GSE1: variants seen among roughly 807,000 people sequenced by gnomAD.
The protein encoded by GSE1 is Gse1 coiled-coil protein, also known as genetic suppressor element 1.
In GSE1, 32 loss-of-function variants were observed where a neutral mutation model predicts 112.6. The ratio of observed to expected loss-of-function variants is 0.28; its 90% CI spans 0.21 to 0.38. The LOEUF (loss-of-function observed/expected upper bound fraction) is 0.38, where lower values mean the gene tolerates loss of function less well. Ranked by LOEUF, GSE1 falls within the 10% of genes least tolerant of loss-of-function variation. The probability of loss-of-function intolerance (pLI) is 1.00; values close to 1 mark genes in which losing one functional copy is unlikely to be tolerated. For synonymous variants in GSE1, 1,115 were observed against 735.6 expected (o/e 1.52, Z -8.35); for missense variants, 2,348 against 1,699.2 (o/e 1.38, Z -6.71).
At chr16:85,304,199 G>A (rs765954919) in intron 1 of GSE1, among the ~76,000 whole-genome samples, 21 of 152,360 alleles carry the variant, frequency 1.4e-4, no homozygotes, top group Non-Finnish European at 2.8e-4. Context: ...ATAGCCAGCC[G>A]TCCTGCTTTA....
intron 2 of GSE1, among the ~76,000 whole-genome samples, chr16:85,518,542 G>C (rs958697254): frequency 3.9e-5 from 6 of 152,082 alleles, no homozygotes; most frequent in Non-Finnish European, 7.4e-5. Context: ...GTCACATTCA[G>C]CTTCCGGCCC....
intron 2 of GSE1, among the ~76,000 whole-genome samples, chr16:85,386,523 G>A (rs1199994961): frequency 1.3e-5 from 2 of 152,252 alleles, no homozygotes; most frequent in African/African-American, 4.8e-5. Context: ...AGCGGTGTCT[G>A]TGGTTATTGT....
At chr16:85,487,023 C>T (rs1439550679) in intron 2 of GSE1, among the ~76,000 whole-genome samples, 1 of 152,112 alleles carries the variant, frequency 6.6e-6, no homozygotes, top group African/African-American at 2.4e-5. Flanking sequence ...CTATGTACCC[C>T]AGGGGGTTCT....
Position 85,674,124 on chromosome 16 carries a change from A to C in GSE1, c.*1585A>C, listed in dbSNP as rs1397831136. 1 of 152,286 alleles carries C rather than the reference A, an allele frequency of 6.6e-6. No individual in the cohort carries two copies. The highest frequency in any genetic ancestry group is 1.5e-5 in the Non-Finnish European group (1 of 68,106). 9.4% of individuals were successfully genotyped at this position (152,286 alleles called of 1,614,324 possible). The stretch of plus-strand genomic sequence containing the variant: ...TCACCAGAGGCCAGGGCTGCCAGTC[A>C]CTGGTCTGGGGGGTGGAGGCCTGAG... On this transcript the variant is annotated 3_prime_UTR_variant, in exon 16 of 16. Coordinates refer to ENST00000253458, the MANE Select transcript of GSE1 (RefSeq NM_014615.5).
intron 1 of GSE1, among the ~76,000 whole-genome samples, chr16:85,287,484 G>C (rs1016731506): frequency 1.3e-5 from 2 of 152,152 alleles, no homozygotes; most frequent in East Asian, 3.9e-4. Flanking sequence ...CACCCGCTCT[G>C]TTCTGCCCCT....
At chr16:85,359,384 G>A (rs527963632) in intron 2 of GSE1, 2 of 456,068 alleles carry the variant, frequency 4.4e-6, no homozygotes, top group Admixed American at 2.3e-5. Flanking sequence ...GTCCTCCGGA[G>A]CAGAACAAGG....
upstream of GSE1, among the ~76,000 whole-genome samples, chr16:85,554,263 C>T (rs1045010383): frequency 6.6e-6 from 1 of 152,004 alleles, no homozygotes; most frequent in African/African-American, 2.4e-5. Context: ...TTTTCCCCTT[C>T]GATTTGGGGA....
chr16:85,541,765 A>C (rs1486078533), intron 2 of GSE1, among the ~76,000 whole-genome samples: 2 of 152,238 alleles, frequency 1.3e-5, no homozygotes, highest in African/African-American at 4.8e-5. Flanking sequence ...TGCATGGCAC[A>C]GAACATTCCA....
chr16:85,338,477 A>G (rs560871326), intron 1 of GSE1, among the ~76,000 whole-genome samples: 1 of 152,238 alleles, frequency 6.6e-6, no homozygotes, highest in Non-Finnish European at 1.5e-5. Context: ...CCTCCATCAA[A>G]TGGGCGTATA....
intron 1 of GSE1, among the ~76,000 whole-genome samples, chr16:85,258,800 C>T (rs1282098430): frequency 1.3e-5 from 2 of 152,204 alleles, no homozygotes; most frequent in African/African-American, 2.4e-5. Flanking sequence ...GGAGCTGTGG[C>T]GGTTTAGCCT....
At chr16:85,431,906 T>C (rs2049131416) in intron 2 of GSE1, among the ~76,000 whole-genome samples, 1 of 152,244 alleles carries the variant, frequency 6.6e-6, no homozygotes, top group Non-Finnish European at 1.5e-5. Context: ...CCTGGAAGAA[T>C]ACTCAGCAGA....
intron 1 of GSE1, among the ~76,000 whole-genome samples, chr16:85,224,003 A>G (rs1042466761): frequency 6.6e-6 from 1 of 151,790 alleles, no homozygotes; most frequent in Non-Finnish European, 1.5e-5. Flanking sequence ...AACTTTTATC[A>G]TCACCCCAAA....
chr16:85,599,595 A>C (rs971711318), intron 1 of GSE1, among the ~76,000 whole-genome samples: 1 of 152,234 alleles, frequency 6.6e-6, no homozygotes, highest in Non-Finnish European at 1.5e-5. Context: ...ACCTGTGATC[A>C]CAAGCCTCTT....
chr16:85,273,147 T>C (rs77263136), intron 1 of GSE1, among the ~76,000 whole-genome samples: 3,502 of 152,246 alleles, frequency 0.023, 63 homozygotes, highest in Non-Finnish European at 0.034. Flanking sequence ...AATGGGAGCC[T>C]ACAGGTGGGG....
intron 1 of GSE1, among the ~76,000 whole-genome samples, chr16:85,316,388 G>T (rs2045986075): frequency 6.6e-6 from 1 of 152,194 alleles, no homozygotes; most frequent in African/African-American, 2.4e-5. Context: ...TCTGCACAGG[G>T]CACGTTTCGA....
chr16:85,252,093 C>T (rs1906547843), intron 1 of GSE1, among the ~76,000 whole-genome samples: 1 of 152,224 alleles, frequency 6.6e-6, no homozygotes, highest in Non-Finnish European at 1.5e-5. Context: ...AGACCCAGGG[C>T]TGACTCCCGC....
Position 85,437,186 on chromosome 16 carries a change from C to A in GSE1, c.2464+79543C>A, listed in dbSNP as rs1178859550. 3.3e-5 allele frequency among the ~76,000 whole-genome samples: 5 copies of A among 152,154 alleles called. No individual in the cohort carries two copies. The East Asian group carries it at 7.8e-4, about 24-fold the overall frequency. ...CCAACCCTCTGAGGCCATCTGATCT[C>A]CCTCCCTGCGGACGCCTCCGCCGCC... On this transcript the variant is annotated intron_variant, in intron 2 of 2. Transcript: ENST00000637419.
chr16:85,510,852 T>A (rs925975103), intron 2 of GSE1, among the ~76,000 whole-genome samples: 1 of 151,224 alleles, frequency 6.6e-6, no homozygotes, highest in Non-Finnish European at 1.5e-5. Context: ...TGCCGTTCCC[T>A]TTCCCTGAAG....
At chr16:85,245,560 C>A (rs1418948870) in intron 1 of GSE1, among the ~76,000 whole-genome samples, 1 of 152,174 alleles carries the variant, frequency 6.6e-6, no homozygotes, top group Non-Finnish European at 1.5e-5. Flanking sequence ...TCTTTTCTTG[C>A]CCCTTTTGAT....
Sources: allele counts gnomAD v4.1 joint callset (sites outside exome capture counted in the v4.1 genomes callset), GRCh38; gene constraint gnomAD v4.1.1; transcripts MANE v1.5; gene names NCBI Gene and HGNC (gene_info 2026-07-23, HGNC 2026-07-21).